LRMDA: variants seen among roughly 807,000 people sequenced by gnomAD.
LRMDA encodes the protein leucine rich melanocyte differentiation associated, also known as leucine-rich melanocyte differentiation-associated protein.
A neutral mutation model predicts 29.8 loss-of-function variants in LRMDA; 18 were observed. The ratio of observed to expected loss-of-function variants is 0.60; its 90% CI spans 0.42 to 0.90. The LOEUF (loss-of-function observed/expected upper bound fraction) is 0.90. Among genes scored for constraint, LRMDA ranks in the 40% least tolerant of loss-of-function variants. LRMDA has a pLI of 0.00. For missense variants in LRMDA, 273 were observed against 273.9 expected, an observed-to-expected ratio of 1.00 and a Z score of 0.02; for synonymous variants, 125 against 109.4, an observed-to-expected ratio of 1.14 and a Z score of -0.89.
At chr10:76,115,953 C>T (rs1189350006) in intron 5 of LRMDA, among the ~76,000 whole-genome samples, 4 of 152,170 alleles carry the variant, frequency 2.6e-5, no homozygotes, top group African/African-American at 9.7e-5. Flanking sequence ...CACAAAACTG[C>T]AGATGTTTCC....
intron 2 of LRMDA, among the ~76,000 whole-genome samples, chr10:75,577,141 G>A (rs1564805130): frequency 6.6e-6 from 1 of 152,184 alleles, no homozygotes; most frequent in Non-Finnish European, 1.5e-5. Flanking sequence ...AGACCCTTGA[G>A]AAAAAGGTTA....
intron 2 of LRMDA, among the ~76,000 whole-genome samples, chr10:75,773,618 G>A (rs79192899): frequency 7.7e-4 from 118 of 152,286 alleles, no homozygotes; most frequent in African/African-American, 2.6e-3. Context: ...CTAGGCCTGC[G>A]GTGAGGCCAC....
intron 2 of LRMDA, among the ~76,000 whole-genome samples, chr10:75,686,619 G>A (rs12245307): frequency 0.04 from 6,077 of 152,188 alleles, 312 homozygotes; most frequent in African/African-American, 0.12. Context: ...TACTTTCTTC[G>A]TTAATGGTAC....
intron 2 of LRMDA, among the ~76,000 whole-genome samples, chr10:75,771,292 T>C (rs1843237871): frequency 6.6e-6 from 1 of 152,138 alleles, no homozygotes; most frequent in African/African-American, 2.4e-5. Flanking sequence ...TTTTTTTTTT[T>C]TATCTAGTCA....
chr10:76,032,626 G>A (rs1848168671), intron 2 of LRMDA, among the ~76,000 whole-genome samples: 2 of 152,176 alleles, frequency 1.3e-5, no homozygotes, highest in Non-Finnish European at 2.9e-5. Flanking sequence ...AGGGAAGGAG[G>A]TAAGAGGATG....
At chr10:75,992,803 A>G (rs1847394106) in intron 2 of LRMDA, among the ~76,000 whole-genome samples, 1 of 152,112 alleles carries the variant, frequency 6.6e-6, no homozygotes, top group African/African-American at 2.4e-5. Flanking sequence ...AGACCTGGTC[A>G]TTGTATTCCT....
chr10:76,104,790 C>T (rs1849453254), intron 5 of LRMDA, among the ~76,000 whole-genome samples: 2 of 152,042 alleles, frequency 1.3e-5, no homozygotes, highest in Non-Finnish European at 1.5e-5. Flanking sequence ...GTGGCTCACC[C>T]CCCATATGGA....
At chr10:75,794,642 T>C (rs1397130907) in intron 2 of LRMDA, among the ~76,000 whole-genome samples, 1 of 152,212 alleles carries the variant, frequency 6.6e-6, no homozygotes, top group Non-Finnish European at 1.5e-5. Flanking sequence ...CTATTAGGTA[T>C]GAAATGGTAT....
chr10:76,200,942 C>A (rs1851415019), intron 5 of LRMDA, among the ~76,000 whole-genome samples: 1 of 151,494 alleles, frequency 6.6e-6, no homozygotes, highest in Non-Finnish European at 1.5e-5. Context: ...GTCTCAAATT[C>A]CTGACCTCAG....
chr10:75,651,001 GA>G (rs953733812), intron 2 of LRMDA, among the ~76,000 whole-genome samples: 2 of 151,712 alleles, frequency 1.3e-5, no homozygotes, highest in South Asian at 4.2e-4. Context: ...TGTGAAAAGA[GA>G]AAAAAAACAC....
chr10:75,944,625 C>A (rs1448205570), intron 2 of LRMDA, among the ~76,000 whole-genome samples: 1 of 151,414 alleles, frequency 6.6e-6, no homozygotes, highest in Non-Finnish European at 1.5e-5. Flanking sequence ...CTGTATCCTT[C>A]TGGTTAGATA....
intron 2 of LRMDA, among the ~76,000 whole-genome samples, chr10:75,849,529 C>T (rs1446548943): frequency 6.6e-6 from 1 of 152,130 alleles, no homozygotes; most frequent in Non-Finnish European, 1.5e-5. Context: ...CGCATGTTCT[C>T]ACTTCTAAGT....
At chr10:76,444,359 A>G (rs1173533200) in intron 6 of LRMDA, among the ~76,000 whole-genome samples, 3 of 152,168 alleles carry the variant, frequency 2.0e-5, no homozygotes, top group Admixed American at 2.0e-4. Flanking sequence ...TTCAATGGGA[A>G]TCACAAAGGC....
intron 2 of LRMDA, among the ~76,000 whole-genome samples, chr10:75,547,607 C>T (rs576392289): frequency 2.0e-5 from 3 of 152,336 alleles, no homozygotes; most frequent in Admixed American, 6.5e-5. Flanking sequence ...CAGCAGCTTA[C>T]TGCCCCATCT....
At chr10:75,558,730 G>T in intron 2 of LRMDA, among the ~76,000 whole-genome samples, 1 of 145,168 alleles carries the variant, frequency 6.9e-6, no homozygotes, top group African/African-American at 2.7e-5. Context: ...CCCTTCCTGT[G>T]TCCATGTGTT....
chr10:75,536,804 C>A (rs1324719894), intron 2 of LRMDA, among the ~76,000 whole-genome samples: 1 of 152,108 alleles, frequency 6.6e-6, no homozygotes, highest in Non-Finnish European at 1.5e-5. Context: ...AAGTGATCCT[C>A]TTGTCTCAGC....
intron 2 of LRMDA, among the ~76,000 whole-genome samples, chr10:75,943,706 C>T (rs547882555): frequency 6.6e-6 from 1 of 152,228 alleles, no homozygotes; most frequent in African/African-American, 2.4e-5. Context: ...AGATTATTTG[C>T]TCAGTTTATT....
rs1214232316 is a variant in LRMDA at position 75,438,381 on chromosome 10, A to G, written c.31-13A>G. 3.9e-6 allele frequency: 6 copies of G among 1,546,120 alleles called. No homozygotes were observed. Among genetic ancestry groups the G allele is most frequent in the Non-Finnish European group, 5.3e-6 (6 of 1,142,712 alleles). ...CCATTTGCCACATTGTTTCTGTTCC[A>G]TTTAATTTCCAGGTGTCCTACATAG... On this transcript the variant is annotated splice_polypyrimidine_tract_variant and intron_variant, in intron 1 of 6. Transcript: ENST00000611255.
At chr10:75,922,950 G>A (rs1846050425) in intron 2 of LRMDA, among the ~76,000 whole-genome samples, 1 of 152,034 alleles carries the variant, frequency 6.6e-6, no homozygotes, top group Non-Finnish European at 1.5e-5. Context: ...GAATATAAAG[G>A]CTACAGGTAT....
Sources: allele counts gnomAD v4.1 joint callset (sites outside exome capture counted in the v4.1 genomes callset), GRCh38; gene constraint gnomAD v4.1.1; transcripts MANE v1.5; gene names NCBI Gene and HGNC (gene_info 2026-07-23, HGNC 2026-07-21).